The following ADAMTSL1 variants were observed in gnomAD, a reference collection of about 807,000 sequenced individuals.
The protein encoded by ADAMTSL1 is ADAMTS like 1.
ADAMTSL1 carries 126 observed loss-of-function variants against 201.8 expected under a neutral mutation model. The ratio of observed to expected loss-of-function variants is 0.62; its 90% CI spans 0.54 to 0.72. The LOEUF (loss-of-function observed/expected upper bound fraction) is 0.72. Ranked by LOEUF, ADAMTSL1 falls within the 30% of genes least tolerant of loss-of-function variation. ADAMTSL1 has a pLI of 0.00. For missense variants in ADAMTSL1, 2,679 were observed against 2,277.8 expected, an observed-to-expected ratio of 1.18 and a Z score of -3.59; for synonymous variants, 1,121 against 903.4, an observed-to-expected ratio of 1.24 and a Z score of -4.32.
rs980353422 is a variant in ADAMTSL1, at chr9:18,684,628, C to G, written c.1490-88C>G. On this transcript the variant is annotated intron_variant, in intron 12 of 28. Transcript: ENST00000380548. ...TTATTCGTGTTGGTCAACGTAGTAACTTCTTGGTGAGGAGAATAAGGAATT... is the reference window on the plus strand; with the variant it reads ...TTATTCGTGTTGGTCAACGTAGTAAGTTCTTGGTGAGGAGAATAAGGAATT... 1.5e-5 allele frequency: 21 copies of G among 1,440,776 alleles called. No homozygotes were observed. The African/African-American group carries it at 1.7e-4, about 12-fold the overall frequency. The allele number at this position is 1,440,776 out of a possible 1,614,324, so 89.2% of individuals were successfully genotyped here.
At chr9:18,614,091 T>C (rs1384428397) in intron 4 of ADAMTSL1, among the ~76,000 whole-genome samples, 1 of 152,126 alleles carries the variant, frequency 6.6e-6, no homozygotes, top group African/African-American at 2.4e-5. Context: ...TTGTTGTGTT[T>C]GAAGAACAGC....
intron 1 of ADAMTSL1, among the ~76,000 whole-genome samples, chr9:17,998,556 G>C (rs1008533504): frequency 9.9e-5 from 15 of 152,056 alleles, no homozygotes; most frequent in Admixed American, 5.9e-4. Context: ...AGGCTGCAAG[G>C]AGTTCAGTAA....
rs1255834585 is a variant in ADAMTSL1, at chr9:18,425,655, G to A, written c.208-79174G>A. Among the ~76,000 whole-genome samples the A allele has an allele frequency of 2.6e-5, 4 of 151,902 alleles. No homozygotes were observed. In the South Asian group the frequency reaches 6.2e-4, roughly 24 times the overall value. On this transcript the variant is annotated intron_variant, in intron 2 of 29. Transcript: ENST00000680146. ...AGATGGCTTGAGGCCAGGAGTTTGA[G>A]ACCATTATGGCATCATAGCGAGAAC... is the stretch of plus-strand genomic sequence containing the variant.
intron 2 of ADAMTSL1, among the ~76,000 whole-genome samples, chr9:18,177,844 A>G (rs1231398669): frequency 6.6e-6 from 1 of 152,118 alleles, no homozygotes; most frequent in African/African-American, 2.4e-5. Context: ...AAGAAGGGAG[A>G]ATGGGTACTG....
At chr9:18,516,489 G>T (rs1223487337) in intron 2 of ADAMTSL1, among the ~76,000 whole-genome samples, 8 of 152,250 alleles carry the variant, frequency 5.3e-5, no homozygotes, top group Non-Finnish European at 1.2e-4. Flanking sequence ...CCCTGGTCCA[G>T]ATAAAGACCC....
Position 18,099,326 on chromosome 9 carries a change from AATAT to A in ADAMTSL1, c.88-64509_88-64506del, listed in dbSNP as rs71333027. Among the ~76,000 whole-genome samples the A allele has an allele frequency of 5.4e-3, 311 of 57,556 alleles. 13 individuals carry two copies. The highest frequency in any genetic ancestry group is 0.011 in the Middle Eastern group (1 of 90). The allele number at this position is 57,556 out of a possible 152,430, so 37.8% of individuals were successfully genotyped here. On this transcript the variant is annotated intron_variant, in intron 1 of 29. Transcript: ENST00000680146. ...TGTTTTTGCTTTGCTGCAAATGGAAAATATATATATATATATATATATATATATA... is the reference window on the plus strand; with the variant it reads ...TGTTTTTGCTTTGCTGCAAATGGAAAATATATATATATATATATATATATA...
intron 1 of ADAMTSL1, among the ~76,000 whole-genome samples, chr9:17,963,315 G>T (rs928513258): frequency 3.3e-5 from 5 of 151,992 alleles, no homozygotes; most frequent in Non-Finnish European, 7.4e-5. Context: ...CCTTTATATG[G>T]TTGGAGTTTT....
intron 19 of ADAMTSL1, among the ~76,000 whole-genome samples, chr9:18,793,443 G>T (rs1198658187): frequency 6.6e-6 from 1 of 152,148 alleles, no homozygotes; most frequent in Non-Finnish European, 1.5e-5. Context: ...TTGTATAGTG[G>T]GAGAGTGTTG....
chr9:18,041,678 A>C (rs191440085), intron 1 of ADAMTSL1, among the ~76,000 whole-genome samples: 1 of 152,152 alleles, frequency 6.6e-6, no homozygotes, highest in African/African-American at 2.4e-5. Context: ...TTTAATAATT[A>C]TTCCTAACCA....
intron 2 of ADAMTSL1, among the ~76,000 whole-genome samples, chr9:18,259,153 C>T (rs1271849242): frequency 1.3e-5 from 2 of 152,192 alleles, no homozygotes; most frequent in African/African-American, 4.8e-5. Flanking sequence ...ATTTCTTATG[C>T]TCATGTGGGC....
intron 20 of ADAMTSL1, among the ~76,000 whole-genome samples, chr9:18,808,554 T>C (rs1823302006): frequency 6.6e-6 from 1 of 152,220 alleles, no homozygotes; most frequent in Admixed American, 6.5e-5. Context: ...TTTATAGCTA[T>C]ACACTTGCAG....
At chr9:18,134,111 G>T (rs1417284496) in intron 1 of ADAMTSL1, among the ~76,000 whole-genome samples, 1 of 152,158 alleles carries the variant, frequency 6.6e-6, no homozygotes, top group Admixed American at 6.5e-5. Flanking sequence ...AGCCATATCT[G>T]TGCATGCCTA....
chr9:18,079,773 C>A (rs1233087408), intron 1 of ADAMTSL1, among the ~76,000 whole-genome samples: 1 of 151,666 alleles, frequency 6.6e-6, no homozygotes, highest in East Asian at 1.9e-4. Context: ...TGAAGAGTAC[C>A]ATGGTGGAAA....
chr9:18,090,303 G>C (rs916522658), intron 1 of ADAMTSL1, among the ~76,000 whole-genome samples: 6 of 152,106 alleles, frequency 3.9e-5, no homozygotes, highest in Non-Finnish European at 8.8e-5. Context: ...ATAAATGAAT[G>C]TTCATAGCAG....
At chr9:18,312,911 C>T (rs898496525) in intron 2 of ADAMTSL1, among the ~76,000 whole-genome samples, 4 of 152,190 alleles carry the variant, frequency 2.6e-5, no homozygotes, top group African/African-American at 9.6e-5. Context: ...GCATGCACTT[C>T]TGTTCTTTAG....
intron 1 of ADAMTSL1, among the ~76,000 whole-genome samples, chr9:18,062,739 A>G (rs939104420): frequency 6.6e-6 from 1 of 152,190 alleles, no homozygotes; most frequent in Non-Finnish European, 1.5e-5. Context: ...GTATATTTTA[A>G]TGATGGCAGT....
intron 15 of ADAMTSL1, 53 bp downstream of exon 15, chr9:18,721,718 G>A (rs1474280270): frequency 1.1e-5 from 18 of 1,575,740 alleles, no homozygotes; most frequent in Middle Eastern, 1.7e-4. Flanking sequence ...AGAACTGGGC[G>A]CATCTTTCAG....
chr9:18,743,130 G>C (rs1254098055), intron 15 of ADAMTSL1, among the ~76,000 whole-genome samples: 1 of 152,086 alleles, frequency 6.6e-6, no homozygotes, highest in Non-Finnish European at 1.5e-5. Context: ...CAGAAGACAG[G>C]GTGATCAGAA....
At chr9:18,086,520 C>T (rs1823777601) in intron 1 of ADAMTSL1, among the ~76,000 whole-genome samples, 1 of 152,136 alleles carries the variant, frequency 6.6e-6, no homozygotes, top group Non-Finnish European at 1.5e-5. Flanking sequence ...TCTTTGAATT[C>T]CATGACTATG....
Sources: gnomAD v4.1 joint callset for allele counts (sites outside exome capture counted in the v4.1 genomes callset) on GRCh38, gnomAD v4.1.1 for gene constraint, MANE v1.5 for transcripts, NCBI Gene and HGNC (gene_info 2026-07-23, HGNC 2026-07-21) for gene names.